Variants in DIDO1 observed in about 807,000 individuals in gnomAD.
DIDO1 encodes the protein death-inducer obliterator 1.
DIDO1 carries 16 observed loss-of-function variants against 99.4 expected under a neutral mutation model. The observed-to-expected ratio is 0.16, with a 90% CI of 0.11 to 0.24. DIDO1 has a LOEUF of 0.24. Ranked by LOEUF, DIDO1 falls within the 10% of genes least tolerant of loss-of-function variation. The probability of loss-of-function intolerance (pLI) is 1.00; values close to 1 mark genes in which losing one functional copy is unlikely to be tolerated. For synonymous variants in DIDO1, 1,366 were observed against 1,239.1 expected (o/e 1.10, Z -2.15); for missense variants, 2,996 against 3,014.0 (o/e 0.99, Z 0.14).
intron 1 of DIDO1, among the ~76,000 whole-genome samples, chr20:62,922,410 A>G (rs1163861578): frequency 6.6e-6 from 1 of 151,964 alleles, no homozygotes; most frequent in South Asian, 2.1e-4. Context: ...ATTTATAACC[A>G]GGACAAGCCC....
intron 1 of DIDO1, among the ~76,000 whole-genome samples, chr20:62,917,959 TG>T (rs1451702073): frequency 1.3e-5 from 2 of 152,236 alleles, no homozygotes; most frequent in African/African-American, 4.8e-5. Flanking sequence ...CAAAGAACTG[TG>T]GCAACATGCC....
At chr20:62,933,230 A>C (rs1402929243) in intron 1 of DIDO1, among the ~76,000 whole-genome samples, 1 of 151,986 alleles carries the variant, frequency 6.6e-6, no homozygotes, top group Non-Finnish European at 1.5e-5. Context: ...AAACAACAAC[A>C]AAAGAATATG....
In DIDO1 at chr20:62,882,074, C is replaced by CGCTGCTGTTGTG; in HGVS notation, c.3870_3881dup (p.Thr1291_Ala1294dup). The stretch of plus-strand genomic sequence containing the variant: ...TGGAGGAAGCTGCCGTGGAGGCTGC[C>CGCTGCTGTTGTG]GCTGCTGTTGTGGCTGCTGTGGCTG... On this transcript the variant is annotated inframe_insertion, in exon 16 of 16. Transcript: ENST00000395343. 1 of 1,613,584 alleles carries CGCTGCTGTTGTG rather than the reference C, an allele frequency of 6.2e-7. No homozygotes were observed. The highest frequency in any genetic ancestry group is 8.5e-7 in the Non-Finnish European group (1 of 1,180,030).
intron 1 of DIDO1, among the ~76,000 whole-genome samples, chr20:62,932,238 A>G (rs1274713455): frequency 6.6e-6 from 1 of 152,204 alleles, no homozygotes. Context: ...CACGCCTGTA[A>G]TCCTGACACT....
chr20:62,919,904 A>T (rs1568882663), intron 1 of DIDO1, among the ~76,000 whole-genome samples: 1 of 152,240 alleles, frequency 6.6e-6, no homozygotes, highest in African/African-American at 2.4e-5. Context: ...AGTCACATAA[A>T]ATCATTTATC....
chr20:62,881,403 T>C lies in DIDO1; in HGVS notation c.4553A>G (p.Asp1518Gly). The C allele has an allele frequency of 3.1e-6, 5 of 1,605,264 alleles. No individual in the cohort carries two copies. Among genetic ancestry groups the C allele is most frequent in the Non-Finnish European group, 3.4e-6 (4 of 1,179,276 alleles). ...GVSMAHFSVS[D>G]ALMSPPPKSS... The stretch of plus-strand genomic sequence containing the variant: ...CTTTGGTGGTGGAGACATCAAGGCG[T>C]CCGACACCGAGAAGTGGGCCATGGA... Residue 1518 changes from aspartate to glycine, a missense_variant, in exon 16 of 16, where the codon GAC becomes GGC. Coordinates refer to ENST00000395343, the MANE Select transcript of DIDO1 (RefSeq NM_001193369.2). This position sits in a 1 kb window ranked among gnomAD's most constrained non-coding sequence, Gnocchi z 8.3.
At position 62,898,890 on chromosome 20, in the gene DIDO1, G is replaced by A. The variant is rs529795116; in HGVS notation, c.1589-1894C>T. Among the ~76,000 whole-genome samples, 161 of 152,330 alleles carry A rather than the reference G, an allele frequency of 1.1e-3. 2 individuals carry two copies. The highest frequency in any genetic ancestry group is 2.5e-3 in the Admixed American group (39 of 15,306). ...ACACCCCAGGAGTCACTACCTTAGTGTTTGAAAATCTGTTTTTAACAACTC... is the reference window on the plus strand; with the variant it reads ...ACACCCCAGGAGTCACTACCTTAGTATTTGAAAATCTGTTTTTAACAACTC... On this transcript the variant is annotated intron_variant, in intron 6 of 15. Coordinates refer to ENST00000395343, the MANE Select transcript of DIDO1 (RefSeq NM_001193369.2).
chr20:62,897,044 G>A (rs764722875), intron 6 of DIDO1, 48 bp from the exon 7 acceptor site: 2 of 1,522,496 alleles, frequency 1.3e-6, no homozygotes, highest in East Asian at 2.3e-5. Context: ...ACCACAGGGT[G>A]CTGTCACCTG....
At chr20:62,917,568 T>G (rs1438786671) in intron 1 of DIDO1, among the ~76,000 whole-genome samples, 1 of 152,304 alleles carries the variant, frequency 6.6e-6, no homozygotes, top group East Asian at 1.9e-4. Flanking sequence ...ACAGACAGCG[T>G]TTCCGAGACC....
chr20:62,909,814 T>A lies in DIDO1; in HGVS notation c.1046A>T (p.Asp349Val). ...KWRPGDADGTDCTSIGTIEQK... is the reference protein window; with the variant it reads ...KWRPGDADGTVCTSIGTIEQK... The stretch of plus-strand genomic sequence containing the variant: ...CTCTATTGTTCCTATACTTGTACAA[T>A]CGGTGCCATCAGCATCTCCAGGTCT... Residue 349 changes from aspartate to valine, a missense_variant, in exon 4 of 16, where the codon GAT becomes GTT. Coordinates refer to ENST00000395343, the MANE Select transcript of DIDO1 (RefSeq NM_001193369.2). 6.2e-7 allele frequency: 1 copy of A among 1,614,250 alleles called. No individual in the cohort carries two copies. Among genetic ancestry groups the A allele is most frequent in the Non-Finnish European group, 8.5e-7 (1 of 1,180,038 alleles).
At position 62,879,436 on chromosome 20, in the gene DIDO1, C is replaced by G. The variant is rs762777515; in HGVS notation, c.6520G>C (p.Glu2174Gln). ...TCGCGCTCTCGGTTCCTGCTCCGCT[C>G]CCGGCTGCGGTCCCACTCCTTGCCC... ...DRGKEWDRSR[E>Q]RSRNRERERD... Residue 2174 changes from glutamate to glutamine, a missense_variant, in exon 16 of 16, where the codon GAG becomes CAG. Coordinates refer to ENST00000395343, the MANE Select transcript of DIDO1 (RefSeq NM_001193369.2). The surrounding 1 kb of genome is among the most constrained non-coding windows in gnomAD (Gnocchi z 6.3). The G allele has an allele frequency of 5.2e-6, 8 of 1,548,658 alleles. No homozygotes were observed. Among genetic ancestry groups the G allele is most frequent in the Admixed American group, 1.9e-5 (1 of 51,868 alleles).
In DIDO1 at chr20:62,880,274, C is replaced by T. The variant is rs41282982; in HGVS notation, c.5682G>A (p.Arg1894=). The T allele has an allele frequency of 0.035, 57,085 of 1,612,688 alleles. 1,231 individuals carry two copies. Among genetic ancestry groups the T allele is most frequent in the Non-Finnish European group, 0.038 (44,916 of 1,179,956 alleles). Residue 1894 remains arginine (R), a synonymous_variant, in exon 16 of 16, where the codon AGG becomes AGA. Coordinates refer to ENST00000395343, the MANE Select transcript of DIDO1 (RefSeq NM_001193369.2). The part of the protein sequence containing the change: ...GAPFQFGGQR[R]PLLSQLKGPR... ...GGCCTTTCAGCTGAGACAGCAGTGG[C>T]CTTCTCTGGCCTCCGAACTGGAAAG...
chr20:62,889,906 G>A, intron 15 of DIDO1: 4 of 985,450 alleles, frequency 4.1e-6, no homozygotes, highest in Non-Finnish European at 3.6e-6. Context: ...CCACAACACA[G>A]GCATAGGCTG....
chr20:62,929,694 T>TATATATATATATATATATATATA (rs1568894301), upstream of DIDO1, among the ~76,000 whole-genome samples: 1 of 81,736 alleles, frequency 1.2e-5, no homozygotes, highest in Non-Finnish European at 2.2e-5. Context: ...AAAGAAAAAG[T>TATATATATATATATATATATATA]GTATATATAT....
Position 62,896,220 on chromosome 20 carries a change from A to G in DIDO1, c.2214+13T>C. ...AACAGGAATACTCCAATGCACCGACACCAGGCACACACCTGATTTTTAGGG... is the reference window on the plus strand; with the variant it reads ...AACAGGAATACTCCAATGCACCGACGCCAGGCACACACCTGATTTTTAGGG... On this transcript the variant is annotated intron_variant, in intron 8 of 15. Coordinates refer to ENST00000395343, the MANE Select transcript of DIDO1 (RefSeq NM_001193369.2). This position sits in a 1 kb window ranked among gnomAD's most constrained non-coding sequence, Gnocchi z 4.4. 6.2e-7 allele frequency: 1 copy of G among 1,611,254 alleles called. No individual in the cohort carries two copies. Among genetic ancestry groups the G allele is most frequent in the South Asian group, 1.1e-5 (1 of 90,870 alleles).
intron 13 of DIDO1, 57 bp downstream of exon 13, chr20:62,892,750 CTA>C (rs2064426311): frequency 6.5e-7 from 1 of 1,549,272 alleles, no homozygotes; most frequent in Non-Finnish European, 8.8e-7. Context: ...GTGTTTGACT[CTA>C]GTTTAGAAAC....
At position 62,880,756 on chromosome 20, in the gene DIDO1, C is replaced by T. The variant is rs1200484158; in HGVS notation, c.5200G>A (p.Ala1734Thr). Residue 1734 changes from alanine (A) to threonine (T), a missense_variant, in exon 16 of 16, where the codon GCC becomes ACC. Around this residue, in one of 5 missense-constraint regions of DIDO1, gnomAD observed 1,562 missense variants for 1,412.6 expected, o/e 1.11. Coordinates refer to ENST00000395343, the MANE Select transcript of DIDO1 (RefSeq NM_001193369.2). ...EPQARPGEGT[A>T]PLPPPGQKVG... ...TTCTGTCCTGGTGGGGGGAGCGGGGCGGTGCCCTCGCCGGGTCTGGCCTGT... is the reference window on the plus strand; with the variant it reads ...TTCTGTCCTGGTGGGGGGAGCGGGGTGGTGCCCTCGCCGGGTCTGGCCTGT... 5.6e-6 allele frequency: 9 copies of T among 1,612,694 alleles called. No homozygotes were observed. In the East Asian group the frequency reaches 6.7e-5, roughly 12 times the overall value.
rs929762145 is a variant in DIDO1 at position 62,906,081 on chromosome 20, G to A, written c.1394C>T (p.Ser465Phe). ...CGAQAGIKIS[S>F]VHKRPAPEKK... Reference sequence around the variant, plus strand: ...TTCTGGAGCTGGTCTCTTGTGCACAGAAGAGATTTTAATACCTGCCTGGAT... The same window carrying A: ...TTCTGGAGCTGGTCTCTTGTGCACAAAAGAGATTTTAATACCTGCCTGGAT... Residue 465 changes from serine (S) to phenylalanine (F), a missense_variant, in exon 6 of 16, where the codon TCT becomes TTT. Transcript: ENST00000395343. 1.9e-6 allele frequency: 3 copies of A among 1,610,730 alleles called. No homozygotes were observed. The highest frequency in any genetic ancestry group is 1.3e-5 in the African/African-American group (1 of 74,660).
At chr20:62,893,056 T>G in intron 12 of DIDO1, 94 bp from the exon 13 acceptor site, 1 of 1,331,010 alleles carries the variant, frequency 7.5e-7, no homozygotes, top group Non-Finnish European at 1.0e-6. Context: ...AGACAGGATC[T>G]CATTCTGTCA....
Sources: allele counts gnomAD v4.1 joint callset (sites outside exome capture counted in the v4.1 genomes callset), GRCh38; gene constraint gnomAD v4.1.1; regional missense constraint gnomAD v4.1.1; non-coding constraint Gnocchi (gnomAD v3.1); transcripts MANE v1.5; gene names NCBI Gene and HGNC (gene_info 2026-07-23, HGNC 2026-07-21).